The following PIGN variants were observed in gnomAD, a reference collection of about 807,000 sequenced individuals.
PIGN encodes the protein phosphatidylinositol glycan anchor biosynthesis class N.
In PIGN, 117 loss-of-function variants were observed where a neutral mutation model predicts 125.4. The observed-to-expected ratio is 0.93, with a 90% CI of 0.80 to 1.09. The LOEUF (loss-of-function observed/expected upper bound fraction) is 1.09. PIGN is among the 50% of genes least tolerant of loss of function. The pLI is 0.00. For missense variants in PIGN, 1,075 were observed against 1,094.9 expected (o/e 0.98, Z 0.26); for synonymous variants, 392 against 377.8 (o/e 1.04, Z -0.44).
At chr18:62,113,348 CAG>C (rs753075285) in intron 15 of PIGN, 32 bp from the exon 16 acceptor site, 1 of 1,495,934 alleles carries the variant, frequency 6.7e-7, no homozygotes, top group East Asian at 2.3e-5. Context: ...AACTTGCTAA[CAG>C]AAATAATAAG....
At chr18:62,086,553 G>T (rs1000876326) in intron 25 of PIGN, among the ~76,000 whole-genome samples, 2 of 151,930 alleles carry the variant, frequency 1.3e-5, no homozygotes, top group Non-Finnish European at 2.9e-5. Context: ...GCAAGTGGAG[G>T]TTGCAGTGAG....
intron 23 of PIGN, among the ~76,000 whole-genome samples, chr18:62,026,588 T>C (rs1034475584): frequency 4.6e-5 from 7 of 152,246 alleles, no homozygotes; most frequent in African/African-American, 1.7e-4. Context: ...GAGAGTAATC[T>C]ACTTAAAAAC....
intron 23 of PIGN, among the ~76,000 whole-genome samples, chr18:62,018,635 A>G (rs1046814827): frequency 6.6e-6 from 1 of 152,132 alleles, no homozygotes; most frequent in Non-Finnish European, 1.5e-5. Context: ...ATTTGTCCTC[A>G]TGATAACCTT....
At chr18:62,163,912 T>C (rs2037041518) in intron 1 of PIGN, among the ~76,000 whole-genome samples, 1 of 152,244 alleles carries the variant, frequency 6.6e-6, no homozygotes, top group South Asian at 2.1e-4. Flanking sequence ...TGCTACTTCA[T>C]ACAAGTGAAA....
At chr18:62,121,154 G>C (rs186568171) in intron 14 of PIGN, among the ~76,000 whole-genome samples, 221 of 152,290 alleles carry the variant, frequency 1.5e-3, no homozygotes, top group Non-Finnish European at 2.2e-3. Flanking sequence ...CAAAGACTAA[G>C]GTAATGCTGA....
intron 23 of PIGN, among the ~76,000 whole-genome samples, chr18:62,032,852 A>C (rs1194132580): frequency 1.3e-5 from 2 of 152,226 alleles, no homozygotes; most frequent in African/African-American, 4.8e-5. Flanking sequence ...AGGACTACAC[A>C]AGAGTTCATG....
chr18:62,147,995 G>C (rs1211245314), intron 8 of PIGN, among the ~76,000 whole-genome samples: 1 of 151,816 alleles, frequency 6.6e-6, no homozygotes, highest in African/African-American at 2.4e-5. Flanking sequence ...AATATGTACA[G>C]GATATATTTT....
intron 14 of PIGN, among the ~76,000 whole-genome samples, chr18:62,125,275 C>T (rs1336339737): frequency 6.6e-6 from 1 of 151,752 alleles, no homozygotes; most frequent in African/African-American, 2.4e-5. Context: ...TAAACACACA[C>T]ACACACACGA....
At chr18:62,092,866 G>T (rs1318330867) in intron 23 of PIGN, among the ~76,000 whole-genome samples, 1 of 152,028 alleles carries the variant, frequency 6.6e-6, no homozygotes, top group Non-Finnish European at 1.5e-5. Flanking sequence ...ATCATTGATG[G>T]CACTAACTCA....
intron 4 of PIGN, 167 bp from the exon 5 acceptor site, chr18:62,157,975 A>G: frequency 1.7e-6 from 1 of 573,946 alleles, no homozygotes; most frequent in South Asian, 2.3e-5. Flanking sequence ...CATTCCTAGC[A>G]TCTACCAGCT....
chr18:62,077,423 C>T (rs374351459), intron 28 of PIGN, among the ~76,000 whole-genome samples: 1 of 152,036 alleles, frequency 6.6e-6, no homozygotes, highest in Admixed American at 6.5e-5. Context: ...CCTTTACATA[C>T]CTTTTTTAAA....
chr18:62,167,259 TATAG>T (rs1157124692), intron 1 of PIGN, among the ~76,000 whole-genome samples: 9 of 129,784 alleles, frequency 6.9e-5, no homozygotes, highest in African/African-American at 1.8e-4. Flanking sequence ...CACACATATA[TATAG>T]ATAGAGATAT....
chr18:62,026,896 A>G (rs1438573466), intron 23 of PIGN, among the ~76,000 whole-genome samples: 1 of 152,208 alleles, frequency 6.6e-6, no homozygotes, highest in African/African-American at 2.4e-5. Flanking sequence ...TTGAGGGACA[A>G]GCTTTTAAAG....
Position 62,088,778 on chromosome 18 carries a change from T to C in PIGN, c.2348A>G (p.Asp783Gly). 6.4e-7 allele frequency: 1 copy of C among 1,563,042 alleles called. No individual in the cohort carries two copies. ...TACAAGGAAAAAGGCCCTACGGATG[T>C]CATCCAGATATAGCTGTCGAAACTG... Reference protein sequence around the residue: ...ITQFRQLYLDDIRRAFFLVFF... With the variant: ...ITQFRQLYLDGIRRAFFLVFF... Residue 783 changes from aspartate to glycine, a missense_variant, in exon 25 of 31, where the codon GAC (aspartate) becomes GGC (glycine). By Grantham distance (94) the Asp-to-Gly change is moderately conservative. Coordinates refer to ENST00000640252, the MANE Select transcript of PIGN (RefSeq NM_176787.5).
intron 23 of PIGN, among the ~76,000 whole-genome samples, chr18:62,021,984 T>C (rs1321193161): frequency 1.3e-5 from 2 of 151,930 alleles, no homozygotes; most frequent in Admixed American, 6.6e-5. Context: ...GTAGTAGCTA[T>C]TATTATTATT....
At chr18:62,093,371 G>C (rs974298938) in intron 23 of PIGN, among the ~76,000 whole-genome samples, 4 of 152,054 alleles carry the variant, frequency 2.6e-5, no homozygotes, top group African/African-American at 9.7e-5. Flanking sequence ...TATAAAGTCT[G>C]TATATCTGCA....
At chr18:62,085,562 A>G (rs561383582) in intron 25 of PIGN, among the ~76,000 whole-genome samples, 2 of 152,200 alleles carry the variant, frequency 1.3e-5, no homozygotes, top group African/African-American at 4.8e-5. Context: ...GTGGGCTGCT[A>G]GTGATTTTTT....
At position 62,075,058 on chromosome 18, in the gene PIGN, A is replaced by G. The variant is rs1362258905; in HGVS notation, c.2577-237T>C. The G allele has an allele frequency of 2.4e-5, 8 of 339,964 alleles. No homozygotes were observed. The East Asian group carries it at 2.7e-4, about 11-fold the overall frequency. The allele number at this position is 339,964 out of a possible 1,614,324, so 21.1% of individuals were successfully genotyped here. The stretch of plus-strand genomic sequence containing the variant: ...TATTTATTTCAGTAAAATGAAAGGG[A>G]CATACATTATGATTTTCAAAACTAA... On this transcript the variant is annotated intron_variant, in intron 28 of 30. Transcript: ENST00000640252.
intron 14 of PIGN, among the ~76,000 whole-genome samples, chr18:62,123,726 G>T (rs1251289952): frequency 1.3e-5 from 2 of 152,044 alleles, no homozygotes; most frequent in Admixed American, 1.3e-4. Flanking sequence ...AGATATTAAG[G>T]GAGAGTTTGA....
Sources: allele counts gnomAD v4.1 joint callset (sites outside exome capture counted in the v4.1 genomes callset), GRCh38; gene constraint gnomAD v4.1.1; transcripts MANE v1.5; gene names NCBI Gene and HGNC (gene_info 2026-07-23, HGNC 2026-07-21).